The following MYH15 variants were observed in gnomAD, a reference collection of about 807,000 sequenced individuals.
The protein encoded by MYH15 is myosin heavy chain 15.
A neutral mutation model predicts 240.5 loss-of-function variants in MYH15; 227 were observed. The observed-to-expected ratio is 0.94, with a 90% CI of 0.85 to 1.05. The LOEUF is 1.05. Ranked by LOEUF, MYH15 falls within the 50% of genes least tolerant of loss-of-function variation. MYH15 has a pLI of 0.00. For synonymous variants in MYH15, 785 were observed against 796.7 expected (o/e 0.99, Z 0.25); for missense variants, 2,217 against 2,247.5 (o/e 0.99, Z 0.27).
intron 21 of MYH15, among the ~76,000 whole-genome samples, chr3:108,453,046 A>G (rs1490699806): frequency 6.6e-6 from 1 of 152,212 alleles, no homozygotes; most frequent in Admixed American, 6.5e-5. Context: ...TGTATTTTTT[A>G]TTTACTTGAG....
intron 1 of MYH15, among the ~76,000 whole-genome samples, chr3:108,523,293 TC>T (rs2083637053): frequency 1.3e-5 from 2 of 152,004 alleles, no homozygotes; most frequent in South Asian, 4.1e-4. Flanking sequence ...AATGAAAATA[TC>T]ATTTTGTGCA....
At chr3:108,402,217 A>G (rs1239132053) in intron 33 of MYH15, among the ~76,000 whole-genome samples, 1 of 152,238 alleles carries the variant, frequency 6.6e-6, no homozygotes, top group Admixed American at 6.5e-5. Context: ...ATTTTCAAAG[A>G]CACTCGAAAA....
rs183175105 is a variant in MYH15, at chr3:108,464,617, G to A, written c.1731+21C>T. 119 of 1,576,266 alleles carry A rather than the reference G, an allele frequency of 7.5e-5. 1 individual carries two copies. The highest frequency in any genetic ancestry group is 5.0e-4 in the East Asian group (22 of 43,904). ...AACAAAGTCAGGAAAATTCAAGACC[G>A]GGGGTCCAGAGGTAACTCACCACTC... On this transcript the variant is annotated intron_variant, in intron 15 of 40. Transcript: ENST00000693548.
At chr3:108,510,068 C>T (rs2083510088) in intron 1 of MYH15, among the ~76,000 whole-genome samples, 1 of 152,170 alleles carries the variant, frequency 6.6e-6, no homozygotes, top group South Asian at 2.1e-4. Flanking sequence ...ACCCACCAGT[C>T]TAAGTCACAG....
At chr3:108,390,736 C>T (rs922010660) in intron 37 of MYH15, among the ~76,000 whole-genome samples, 1 of 152,136 alleles carries the variant, frequency 6.6e-6, no homozygotes, top group Admixed American at 6.5e-5. Flanking sequence ...TCATTAACTT[C>T]ATTTGCTTCC....
intron 11 of MYH15, among the ~76,000 whole-genome samples, chr3:108,480,681 A>G (rs1001657865): frequency 6.6e-6 from 1 of 152,240 alleles, no homozygotes; most frequent in Non-Finnish European, 1.5e-5. Context: ...GGAGGTTTCC[A>G]GTCTGAGAAG....
upstream of MYH15, among the ~76,000 whole-genome samples, chr3:108,515,120 G>A (rs2083550883): frequency 6.6e-6 from 1 of 152,154 alleles, no homozygotes; most frequent in Non-Finnish European, 1.5e-5. Context: ...TGTCTGTAAG[G>A]TGACACTGGT....
chr3:108,435,681 A>C (rs1028142633), intron 25 of MYH15, among the ~76,000 whole-genome samples: 4 of 121,020 alleles, frequency 3.3e-5, no homozygotes, highest in Admixed American at 7.8e-5. Context: ...CTGTGTATGT[A>C]TATTTTATAT....
chr3:108,462,419 G>A (rs896182365), intron 16 of MYH15, among the ~76,000 whole-genome samples: 3 of 151,834 alleles, frequency 2.0e-5, no homozygotes, highest in African/African-American at 2.4e-5. Flanking sequence ...GTAAAATCAG[G>A]GATGCTACTT....
chr3:108,389,110 C>G (rs1452961800), intron 37 of MYH15, 36 bp from the exon 38 acceptor site: 1 of 1,566,342 alleles, frequency 6.4e-7, no homozygotes, highest in South Asian at 1.1e-5. Context: ...CAGACGCTGC[C>G]ACCAAGTCTG....
At chr3:108,549,029 T>C in the MYH15 span, among the ~76,000 whole-genome samples, 925 of 152,186 alleles carry the variant, frequency 6.1e-3, 7 homozygotes, top group Middle Eastern at 0.037. Context: ...ATGTGTCTAT[T>C]TGTTCAAGTG....
chr3:108,521,565 G>T (rs1197903345), intron 1 of MYH15, among the ~76,000 whole-genome samples: 2 of 152,128 alleles, frequency 1.3e-5, no homozygotes, highest in African/African-American at 4.8e-5. Context: ...TATTACAACA[G>T]CATTGAGGGC....
At chr3:108,432,469 G>A (rs1166220477) in intron 25 of MYH15, among the ~76,000 whole-genome samples, 1 of 152,130 alleles carries the variant, frequency 6.6e-6, no homozygotes, top group Non-Finnish European at 1.5e-5. Flanking sequence ...CAAGCCAGCT[G>A]CAGAAATTTG....
chr3:108,480,994 A>C (rs1392636286), intron 11 of MYH15, among the ~76,000 whole-genome samples: 1 of 152,208 alleles, frequency 6.6e-6, no homozygotes. Context: ...GAATTAAAGA[A>C]AAATTCAACA....
At chr3:108,399,925 CAG>C (rs1343979897) in intron 33 of MYH15, among the ~76,000 whole-genome samples, 5 of 152,128 alleles carry the variant, frequency 3.3e-5, no homozygotes, top group African/African-American at 1.2e-4. Flanking sequence ...TGCAAAGTGA[CAG>C]AAGACAATAG....
the MYH15 span, among the ~76,000 whole-genome samples, chr3:108,537,656 C>T: frequency 6.6e-6 from 1 of 152,180 alleles, no homozygotes; most frequent in Non-Finnish European, 1.5e-5. Context: ...ATGGACTTCC[C>T]AGATTCCAGA....
rs556834975 is a variant in MYH15 at position 108,480,939 on chromosome 3, T to C, written c.1114+4152A>G. ...CTCCTTCAAAACCTTCCTAAATAAT[T>C]AACTGGGAAAAATTTACCAAAGCTT... On this transcript the variant is annotated intron_variant, in intron 11 of 40. Coordinates refer to ENST00000693548, the MANE Select transcript of MYH15 (RefSeq NM_014981.3). 1.5e-4 allele frequency among the ~76,000 whole-genome samples: 23 copies of C among 152,184 alleles called. No individual in the cohort carries two copies. In the South Asian group the frequency reaches 3.5e-3, roughly 23 times the overall value.
intron 22 of MYH15, among the ~76,000 whole-genome samples, chr3:108,442,439 A>G (rs2082892333): frequency 6.6e-6 from 1 of 152,238 alleles, no homozygotes; most frequent in African/African-American, 2.4e-5. Flanking sequence ...AATGCAAATC[A>G]GAGAAGCTTC....
At chr3:108,412,915 G>A (rs551936987) in intron 30 of MYH15, among the ~76,000 whole-genome samples, 3 of 152,268 alleles carry the variant, frequency 2.0e-5, no homozygotes, top group African/African-American at 7.2e-5. Context: ...GCATAATACA[G>A]ACAAAGTTTT....
Sources: gnomAD v4.1 joint callset for allele counts (sites outside exome capture counted in the v4.1 genomes callset) on GRCh38, gnomAD v4.1.1 for gene constraint, MANE v1.5 for transcripts, NCBI Gene and HGNC (gene_info 2026-07-23, HGNC 2026-07-21) for gene names.